Variants in KDM2B observed in about 807,000 individuals in gnomAD.
KDM2B encodes lysine demethylase 2B.
A neutral mutation model predicts 150.0 loss-of-function variants in KDM2B; 26 were observed. The observed-to-expected ratio is 0.17, with a 90% CI of 0.13 to 0.24. The LOEUF (loss-of-function observed/expected upper bound fraction) is 0.24, where lower values mean the gene tolerates loss of function less well. Ranked by LOEUF, KDM2B falls within the 10% of genes least tolerant of loss-of-function variation. The probability of loss-of-function intolerance (pLI) is 1.00; values close to 1 mark genes in which losing one functional copy is unlikely to be tolerated. For synonymous variants in KDM2B, 734 were observed against 729.5 expected (o/e 1.01, Z -0.10); for missense variants, 1,265 against 1,816.9 (o/e 0.70, Z 5.52).
chr12:121,441,357 C>T, intron 19 of KDM2B, 124 bp from the exon 20 acceptor site: 1 of 883,214 alleles, frequency 1.1e-6, no homozygotes. Flanking sequence ...CGCTCTGGAC[C>T]CTTCTCTATG....
In KDM2B at chr12:121,467,765, G is replaced by A. The variant is rs1246258928; in HGVS notation, c.1735-14421C>T. 3.9e-5 allele frequency: 6 copies of A among 152,314 alleles called. No homozygotes were observed. The East Asian group carries it at 1.2e-3, about 30-fold the overall frequency. 9.4% of individuals were successfully genotyped at this position (152,314 alleles called of 1,614,324 possible). ...AAGCCCGGGGGCGCCCGGGCCGTGG[G>A]GGACGACTCTGCACCCGACGCCAGG... On this transcript the variant is annotated intron_variant, in intron 12 of 22. Coordinates refer to ENST00000377071, the MANE Select transcript of KDM2B (RefSeq NM_032590.5). This position sits in a 1 kb window ranked among gnomAD's most constrained non-coding sequence, Gnocchi z 5.1.
At chr12:121,546,606 T>C (rs1471132501) in intron 6 of KDM2B, among the ~76,000 whole-genome samples, 1 of 151,524 alleles carries the variant, frequency 6.6e-6, no homozygotes, top group Non-Finnish European at 1.5e-5. Context: ...GGTTTCACCA[T>C]GTTAGCCAGG....
chr12:121,462,496 CTT>C (rs1252083117), intron 12 of KDM2B, among the ~76,000 whole-genome samples: 11 of 144,698 alleles, frequency 7.6e-5, no homozygotes, highest in South Asian at 2.2e-4. Context: ...TAAAATTTCA[CTT>C]TTTTTTTTTT....
chr12:121,533,790 C>T lies in KDM2B; in HGVS notation c.777+707G>A, dbSNP rs1193717535. Among the ~76,000 whole-genome samples the T allele has an allele frequency of 6.6e-6, 1 of 152,176 alleles. No individual in the cohort carries two copies. The highest frequency in any genetic ancestry group is 2.4e-5 in the African/African-American group (1 of 41,440). Reference sequence around the variant, plus strand: ...GTAAAAGGGCTGAACTTGACCTTGCCCTCCAGAAGGAGGAGGTGGTTCTAG... The same window carrying T: ...GTAAAAGGGCTGAACTTGACCTTGCTCTCCAGAAGGAGGAGGTGGTTCTAG... On this transcript the variant is annotated intron_variant, in intron 7 of 22. Coordinates refer to ENST00000377071, the MANE Select transcript of KDM2B (RefSeq NM_032590.5). This position sits in a 1 kb window ranked among gnomAD's most constrained non-coding sequence, Gnocchi z 4.1.
chr12:121,545,663 G>A (rs996123047), intron 6 of KDM2B, among the ~76,000 whole-genome samples: 4 of 151,978 alleles, frequency 2.6e-5, no homozygotes, highest in Admixed American at 6.6e-5. Context: ...ACACCATGCC[G>A]TGGCCTCCTC....
chr12:121,493,650 T>TACACAAA (rs1555300327), intron 12 of KDM2B, among the ~76,000 whole-genome samples: 1 of 151,974 alleles, frequency 6.6e-6, no homozygotes, highest in Non-Finnish European at 1.5e-5. Flanking sequence ...TCCTAACGGG[T>TACACAAA]GACTTGACCT....
the KDM2B span, among the ~76,000 whole-genome samples, chr12:121,421,413 TGTG>T: frequency 7.7e-6 from 1 of 129,362 alleles, no homozygotes. Context: ...AAAAACCTGG[TGTG>T]GTGGCACCAG....
intron 6 of KDM2B, among the ~76,000 whole-genome samples, chr12:121,542,303 G>A (rs1477580995): frequency 6.6e-6 from 1 of 152,172 alleles, no homozygotes; most frequent in African/African-American, 2.4e-5. Context: ...GCTGACTGCA[G>A]CCCAGGCCTA....
intron 4 of KDM2B, among the ~76,000 whole-genome samples, chr12:121,566,514 C>T (rs1464637311): frequency 1.3e-5 from 2 of 151,878 alleles, no homozygotes; most frequent in Admixed American, 6.6e-5. Context: ...TCCAGCTACT[C>T]GGGAGGCTGA....
chr12:121,409,745 C>G, the KDM2B span: 5 of 152,214 alleles, frequency 3.3e-5, no homozygotes, highest in Admixed American at 1.3e-4. Context: ...CTAGGCAATT[C>G]CTTAGCAAGA....
chr12:121,530,159 C>T (rs1317353464), intron 8 of KDM2B, among the ~76,000 whole-genome samples: 1 of 141,280 alleles, frequency 7.1e-6, no homozygotes, highest in Non-Finnish European at 1.5e-5. Flanking sequence ...ACCCGGGAGG[C>T]GGAGCTTGCA....
chr12:121,538,815 C>T (rs1328943182), intron 6 of KDM2B, among the ~76,000 whole-genome samples: 2 of 152,114 alleles, frequency 1.3e-5, no homozygotes, highest in African/African-American at 4.8e-5. Flanking sequence ...CAGCCTGTCT[C>T]CCAGTCCCTC....
At chr12:121,551,135 T>C (rs1221727046) in intron 4 of KDM2B, among the ~76,000 whole-genome samples, 1 of 152,104 alleles carries the variant, frequency 6.6e-6, no homozygotes, top group Non-Finnish European at 1.5e-5. Context: ...TTGATATGGG[T>C]AATAGTCTCA....
chr12:121,421,164 T>C, the KDM2B span, among the ~76,000 whole-genome samples: 1 of 152,056 alleles, frequency 6.6e-6, no homozygotes, highest in Non-Finnish European at 1.5e-5. Context: ...GAAAATTCCC[T>C]ATAGCCCAGA....
At chr12:121,491,282 C>T (rs1279027287) in intron 12 of KDM2B, among the ~76,000 whole-genome samples, 1 of 152,094 alleles carries the variant, frequency 6.6e-6, no homozygotes, top group Non-Finnish European at 1.5e-5. Flanking sequence ...TGCACTGGGG[C>T]GATAACACCC....
rs782271999 is a variant in KDM2B, at chr12:121,509,836, TCTTCCCGAGGGCCTCCTGGTC to T, written c.1357_1377del (p.Asp453_Lys459del). 3.1e-6 allele frequency: 5 copies of T among 1,613,932 alleles called. No individual in the cohort carries two copies. The highest frequency in any genetic ancestry group is 4.2e-6 in the Non-Finnish European group (5 of 1,180,030). ...AATCGCAGGGCAGGTGCTTTGGGCT[TCTTCCCGAGGGCCTCCTGGTC>T]CTCAGAGGGCGTGCTGGTGGGTGAA... On this transcript the variant is annotated inframe_deletion, in exon 11 of 23. Coordinates refer to ENST00000377071, the MANE Select transcript of KDM2B (RefSeq NM_032590.5).
intron 11 of KDM2B, among the ~76,000 whole-genome samples, chr12:121,506,026 T>C (rs1885038601): frequency 6.6e-6 from 1 of 152,156 alleles, no homozygotes; most frequent in Non-Finnish European, 1.5e-5. Flanking sequence ...TTTTATTTAT[T>C]TGAGACAGGG....
chr12:121,548,339 C>T (rs1889227120), intron 6 of KDM2B, among the ~76,000 whole-genome samples: 1 of 152,184 alleles, frequency 6.6e-6, no homozygotes. Context: ...GCTCAGAGGG[C>T]ACTGTCTAAG....
At chr12:121,530,752 C>T (rs1291634351) in intron 8 of KDM2B, among the ~76,000 whole-genome samples, 1 of 152,060 alleles carries the variant, frequency 6.6e-6, no homozygotes, top group African/African-American at 2.4e-5. Flanking sequence ...GCTGCCAGGG[C>T]TTCTCAAGAC....
Sources: gnomAD v4.1 joint callset for allele counts (sites outside exome capture counted in the v4.1 genomes callset) on GRCh38, gnomAD v4.1.1 for gene constraint, Gnocchi (gnomAD v3.1) non-coding constraint, MANE v1.5 for transcripts, NCBI Gene and HGNC (gene_info 2026-07-23, HGNC 2026-07-21) for gene names.